MRAS: variants seen among roughly 807,000 people sequenced by gnomAD.
MRAS encodes the protein ras-related protein M-Ras.
In MRAS, 4 loss-of-function variants were observed where a neutral mutation model predicts 20.9. That is an observed-to-expected ratio of 0.19 (90% CI 0.09 to 0.44). MRAS has a LOEUF of 0.44. Among genes scored for constraint, MRAS ranks in the 20% least tolerant of loss-of-function variants. The pLI is 0.99. For missense variants in MRAS, 154 were observed against 277.5 expected (o/e 0.56, Z 3.16); for synonymous variants, 98 against 102.9 (o/e 0.95, Z 0.29).
At chr3:138,402,033 C>G (rs2055370918) in intron 5 of MRAS, 137 bp from the exon 6 acceptor site, 1 of 736,210 alleles carries the variant, frequency 1.4e-6, no homozygotes, top group Non-Finnish European at 2.3e-6. Flanking sequence ...AGAGGGATGG[C>G]ATCCCCATCC....
chr3:138,360,176 G>A (rs1017358316), intron 1 of MRAS, among the ~76,000 whole-genome samples: 1 of 152,198 alleles, frequency 6.6e-6, no homozygotes, highest in South Asian at 2.1e-4. Context: ...TGTCCGTTTT[G>A]TTCTTGATTC....
chr3:138,363,297 G>A (rs955974836), intron 1 of MRAS, among the ~76,000 whole-genome samples: 1 of 151,984 alleles, frequency 6.6e-6, no homozygotes, highest in Non-Finnish European at 1.5e-5. Context: ...ACCTGACCTC[G>A]TGATTCACCC....
At chr3:138,382,328 G>A (rs1044070120) in intron 2 of MRAS, among the ~76,000 whole-genome samples, 7 of 152,192 alleles carry the variant, frequency 4.6e-5, no homozygotes, top group Admixed American at 6.5e-5. Flanking sequence ...TCCTCAGAGC[G>A]GTGGTAGCAG....
chr3:138,387,400 G>A (rs1040107325), intron 2 of MRAS, among the ~76,000 whole-genome samples: 4 of 152,336 alleles, frequency 2.6e-5, no homozygotes, highest in Middle Eastern at 3.4e-3. Context: ...TTGTTCACAG[G>A]CTGTGGGGAT....
intron 2 of MRAS, among the ~76,000 whole-genome samples, chr3:138,383,456 A>G (rs1363282290): frequency 1.3e-5 from 2 of 152,100 alleles, no homozygotes; most frequent in African/African-American, 4.8e-5. Flanking sequence ...TTGGCCTCCT[A>G]AAGCACTAGG....
rs965096884 is a variant in MRAS, at chr3:138,362,869, AC to A, written c.-18-9992del. On this transcript the variant is annotated intron_variant, in intron 1 of 5. Transcript: ENST00000423968. ...AGTAATCCCTTCCCCTGCCACTCTT[AC>A]CCCCGACACCCATCGCCCCTGCCAT... 3.3e-4 allele frequency among the ~76,000 whole-genome samples: 50 copies of A among 151,744 alleles called. 1 individual carries two copies. The highest frequency in any genetic ancestry group is 1.0e-3 in the Admixed American group (16 of 15,240).
Position 138,372,849 on chromosome 3 carries a change from A to AT in MRAS, c.-18-16dup. ...AAAAAAGCCCTCTGTCTCATTCCACATGTCTTGCTGCCGCAGGTCTGACCT... is the reference window on the plus strand; with the variant it reads ...AAAAAAGCCCTCTGTCTCATTCCACATTGTCTTGCTGCCGCAGGTCTGACCT... On this transcript the variant is annotated splice_polypyrimidine_tract_variant and intron_variant, in intron 1 of 5. Coordinates refer to ENST00000423968, the MANE Select transcript of MRAS (RefSeq NM_001085049.3). 6.7e-7 allele frequency: 1 copy of AT among 1,483,844 alleles called. No homozygotes were observed. Among genetic ancestry groups the AT allele is most frequent in the Non-Finnish European group, 8.9e-7 (1 of 1,119,984 alleles). 91.9% of individuals were successfully genotyped at this position (1,483,844 alleles called of 1,614,324 possible).
intron 1 of MRAS, among the ~76,000 whole-genome samples, chr3:138,372,596 T>G (rs1228670874): frequency 6.6e-6 from 1 of 152,198 alleles, no homozygotes; most frequent in East Asian, 1.9e-4. Flanking sequence ...TGGCTATACT[T>G]GCTAAACAAG....
rs186799903 is a variant in MRAS, at chr3:138,395,537, C to T, written c.194-1787C>T. Among the ~76,000 whole-genome samples the T allele has an allele frequency of 9.4e-3, 1,432 of 152,254 alleles. 25 individuals are homozygous for T. Among genetic ancestry groups the T allele is most frequent in the African/African-American group, 0.033 (1,373 of 41,534 alleles). On this transcript the variant is annotated intron_variant, in intron 2 of 5. Coordinates refer to ENST00000423968, the MANE Select transcript of MRAS (RefSeq NM_001085049.3). ...TGTTGTGTTCCCTCTGCCTGGAGTG[C>T]TCTTCCGCTAGGCCACGTGGCTCCC...
In MRAS at chr3:138,398,498, A is replaced by G. The variant is rs749415578; in HGVS notation, c.377A>G (p.Asn126Ser). ...RESFPMILVA[N>S]KVDLMHLRKI... ...TCATTCCCGATGATCCTCGTGGCCA[A>G]CAAGGTCGATTTGATGCACTTGAGG... Residue 126 changes from asparagine (N) to serine (S), a missense_variant, in exon 4 of 6, where the codon AAC becomes AGC. Physicochemically the swap from Asn to Ser is conservative, Grantham distance 46. Coordinates refer to ENST00000423968, the MANE Select transcript of MRAS (RefSeq NM_001085049.3). 19 of 1,614,064 alleles carry G rather than the reference A, an allele frequency of 1.2e-5. No individual in the cohort carries two copies. The highest frequency in any genetic ancestry group is 1.5e-5 in the Non-Finnish European group (18 of 1,180,030).
chr3:138,360,914 C>A (rs2054433177), intron 1 of MRAS, among the ~76,000 whole-genome samples: 1 of 152,202 alleles, frequency 6.6e-6, no homozygotes, highest in South Asian at 2.1e-4. Flanking sequence ...GATTTGAGGG[C>A]AGATGAAGAG....
chr3:138,396,576 C>A (rs2055240344), intron 2 of MRAS, among the ~76,000 whole-genome samples: 1 of 152,220 alleles, frequency 6.6e-6, no homozygotes, highest in Admixed American at 6.5e-5. Context: ...GAGCTTGTGG[C>A]TGTGAGCAGT....
At chr3:138,360,029 T>C (rs893733900) in intron 1 of MRAS, among the ~76,000 whole-genome samples, 3 of 152,262 alleles carry the variant, frequency 2.0e-5, no homozygotes, top group Admixed American at 6.5e-5. Context: ...GCAGATATTA[T>C]GTTGCAGCAG....
chr3:138,348,899 G>C (rs1006966717), intron 1 of MRAS, 132 bp downstream of exon 1: 1 of 152,066 alleles, frequency 6.6e-6, no homozygotes, highest in African/African-American at 2.4e-5. Flanking sequence ...TGCGGGGTGC[G>C]CCCTGGGACC....
intron 2 of MRAS, among the ~76,000 whole-genome samples, chr3:138,391,287 G>A (rs2055127653): frequency 6.6e-6 from 1 of 152,120 alleles, no homozygotes; most frequent in African/African-American, 2.4e-5. Context: ...TTAAATGAGA[G>A]GTTTTATTTC....
intron 1 of MRAS, among the ~76,000 whole-genome samples, chr3:138,367,604 G>GTGACCCCCTGCT (rs1416624777): frequency 6.6e-6 from 1 of 152,220 alleles, no homozygotes; most frequent in Non-Finnish European, 1.5e-5. Flanking sequence ...AAGGATGGGT[G>GTGACCCCCTGCT]TGACCCCCTG....
chr3:138,369,527 G>A (rs918733267), intron 1 of MRAS, among the ~76,000 whole-genome samples: 1 of 152,168 alleles, frequency 6.6e-6, no homozygotes, highest in Non-Finnish European at 1.5e-5. Flanking sequence ...GTGGCAGCCA[G>A]CGACAGGCAT....
intron 2 of MRAS, among the ~76,000 whole-genome samples, chr3:138,378,147 C>T (rs1378201981): frequency 1.3e-5 from 2 of 152,220 alleles, no homozygotes; most frequent in African/African-American, 2.4e-5. Flanking sequence ...CCTTCTTACT[C>T]CTCACCCAGG....
intron 1 of MRAS, among the ~76,000 whole-genome samples, chr3:138,365,410 G>T (rs1009770710): frequency 2.0e-5 from 3 of 152,224 alleles, no homozygotes; most frequent in African/African-American, 7.2e-5. Flanking sequence ...ATATGAGGAA[G>T]CATGTGGTAC....
Sources: allele counts gnomAD v4.1 joint callset (sites outside exome capture counted in the v4.1 genomes callset), GRCh38; gene constraint gnomAD v4.1.1; transcripts MANE v1.5; gene names NCBI Gene and HGNC (gene_info 2026-07-23, HGNC 2026-07-21).